Variants in SF3B2 observed in about 807,000 individuals in gnomAD.
SF3B2 encodes SAP 145.
A neutral mutation model predicts 116.3 loss-of-function variants in SF3B2; 22 were observed. That is an observed-to-expected ratio of 0.19 (90% CI 0.14 to 0.27). SF3B2 has a LOEUF of 0.27. SF3B2 is among the 10% of genes least tolerant of loss of function. The pLI is 1.00. For missense variants in SF3B2, 767 were observed against 1,151.4 expected (o/e 0.67, Z 4.83); for synonymous variants, 406 against 421.6 (o/e 0.96, Z 0.45).
At chr11:66,052,574 G>T (rs530972190) in intron 1 of SF3B2, 57 bp downstream of exon 1, 579 of 1,595,162 alleles carry the variant, frequency 3.6e-4, no homozygotes, top group Non-Finnish European at 4.6e-4. Flanking sequence ...GCGGAGCCTG[G>T]TTACCCGGGA....
chr11:66,058,971 G>A lies in SF3B2; in HGVS notation c.1108G>A (p.Glu370Lys), dbSNP rs1369652263. The change falls in exon 10 of 22, where the codon GAG (glutamate) becomes AAG (lysine). Residue 370 changes from glutamate (E) to lysine (K), a missense_variant. Around this residue, in one of 4 missense-constraint regions of SF3B2, gnomAD observed 455 missense variants for 537.5 expected, o/e 0.85. Coordinates refer to ENST00000322535, the MANE Select transcript of SF3B2 (RefSeq NM_006842.3). ...TTCCCCAGCAGCTGATGTTGAGATTGAGTATGTGACTGAAGAACCTGAAAT... is the reference window on the plus strand; with the variant it reads ...TTCCCCAGCAGCTGATGTTGAGATTAAGTATGTGACTGAAGAACCTGAAAT... ...SDSPAADVEI[E>K]YVTEEPEIYE... 7 of 1,614,038 alleles carry A rather than the reference G, an allele frequency of 4.3e-6. No homozygotes were observed. Among genetic ancestry groups the A allele is most frequent in the Admixed American group, 3.3e-5 (2 of 59,998 alleles).
chr11:66,058,809 T>C, intron 9 of SF3B2, 21 bp from the exon 10 acceptor site: 1 of 1,599,434 alleles, frequency 6.3e-7, no homozygotes, highest in Non-Finnish European at 8.5e-7. Flanking sequence ...CTGACCCAGC[T>C]GGTTTTCCTC....
Position 66,063,386 on chromosome 11 carries a change from GT to G in SF3B2, c.2086-13del. The G allele has an allele frequency of 6.2e-7, 1 of 1,602,746 alleles. No homozygotes were observed. Among genetic ancestry groups the G allele is most frequent in the South Asian group, 1.1e-5 (1 of 90,110 alleles). On this transcript the variant is annotated splice_polypyrimidine_tract_variant and intron_variant, in intron 17 of 21. Coordinates refer to ENST00000322535, the MANE Select transcript of SF3B2 (RefSeq NM_006842.3). The stretch of plus-strand genomic sequence containing the variant: ...TAGAAAACATTTGTTGAATGATAAA[GT>G]GATCTCTTTCAGACCAAGACTGAGG...
chr11:66,052,959 T>C (rs1856913113), intron 2 of SF3B2, 68 bp from the exon 3 acceptor site: 4 of 1,497,340 alleles, frequency 2.7e-6, no homozygotes, highest in Admixed American at 3.3e-5. Context: ...GTTGAATGAA[T>C]TGGGAGCGAA....
intron 5 of SF3B2, 118 bp from the exon 6 acceptor site, chr11:66,056,720 C>G: frequency 1.4e-6 from 1 of 720,386 alleles, no homozygotes; most frequent in Non-Finnish European, 2.5e-6. Context: ...ATGTCAGCAC[C>G]CAAGTGGTTC....
intron 2 of SF3B2, 56 bp from the exon 3 acceptor site, chr11:66,052,971 G>A: frequency 6.5e-7 from 1 of 1,542,642 alleles, no homozygotes; most frequent in East Asian, 2.2e-5. Context: ...GGGAGCGAAC[G>A]TCGTTTAGTG....
Position 66,055,106 on chromosome 11 carries a change from T to C in SF3B2, c.289T>C (p.Leu97=). 6.5e-7 allele frequency: 1 copy of C among 1,537,450 alleles called. No individual in the cohort carries two copies. Among genetic ancestry groups the C allele is most frequent in the Non-Finnish European group, 8.8e-7 (1 of 1,139,574 alleles). ...LPGIPMPPPP[L]GLPPLQPPPP... ...TGGAATTCCCATGCCACCACCACCT[T>C]TGGGACTCCCCCCTCTGCAGCCTCC... Residue 97 remains leucine (L), a synonymous_variant, in exon 4 of 22, where the codon TTG becomes CTG. Coordinates refer to ENST00000322535, the MANE Select transcript of SF3B2 (RefSeq NM_006842.3).
intron 7 of SF3B2, among the ~76,000 whole-genome samples, chr11:66,057,773 C>G (rs1857027512): frequency 6.6e-6 from 1 of 151,640 alleles, no homozygotes. Context: ...GTCAGGAGTT[C>G]TAGACCAGCC....
At chr11:66,053,574 A>G (rs1856931111) in intron 3 of SF3B2, 1 of 171,612 alleles carries the variant, frequency 5.8e-6, no homozygotes, top group Admixed American at 5.7e-5. Flanking sequence ...CCCTATAAAG[A>G]GGCTCAAGGA....
In SF3B2 at chr11:66,068,240, C is replaced by G. The variant is rs764963525; in HGVS notation, c.2523C>G (p.Thr841=). 2.5e-6 allele frequency: 4 copies of G among 1,614,098 alleles called. No homozygotes were observed. Among genetic ancestry groups the G allele is most frequent in the Non-Finnish European group, 3.4e-6 (4 of 1,180,032 alleles). Residue 841 remains threonine, a synonymous_variant, in exon 21 of 22, where the codon ACC becomes ACG. Coordinates refer to ENST00000322535, the MANE Select transcript of SF3B2 (RefSeq NM_006842.3). ...TGGAGCTGGATCCTATGGCCATGACCCAGAAGTATGAGGAGCATGTGCGGG... is the reference window on the plus strand; with the variant it reads ...TGGAGCTGGATCCTATGGCCATGACGCAGAAGTATGAGGAGCATGTGCGGG... ...EELELDPMAM[T]QKYEEHVREQ...
Position 66,068,338 on chromosome 11 carries a change from G to A in SF3B2, c.2616+5G>A. ...GAGCACGCTGCCAAACAGAAGGTAGGCGCTTCCAGGGGCGCTGGGCTGGGT... is the reference window on the plus strand; with the variant it reads ...GAGCACGCTGCCAAACAGAAGGTAGACGCTTCCAGGGGCGCTGGGCTGGGT... On this transcript the variant is annotated splice_donor_5th_base_variant and intron_variant, in intron 21 of 21. Coordinates refer to ENST00000322535, the MANE Select transcript of SF3B2 (RefSeq NM_006842.3). 6.2e-7 allele frequency: 1 copy of A among 1,604,084 alleles called. No individual in the cohort carries two copies. The highest frequency in any genetic ancestry group is 1.1e-5 in the South Asian group (1 of 89,694).
At position 66,061,974 on chromosome 11, in the gene SF3B2, T is replaced by G; in HGVS notation, c.1953T>G (p.Pro651=). The part of the protein sequence containing the change: ...PPPSYPNLKI[P]GLNSPIPESC... ...CATCGTATCCCAACCTGAAAATCCCTGGGCTGAACTCGCCCATCCCTGAGG... is the reference window on the plus strand; with the variant it reads ...CATCGTATCCCAACCTGAAAATCCCGGGGCTGAACTCGCCCATCCCTGAGG... The change falls in exon 16 of 22, where the codon CCT becomes CCG. Residue 651 remains proline, a synonymous_variant. Transcript: ENST00000322535. 1.2e-6 allele frequency: 2 copies of G among 1,613,362 alleles called. No homozygotes were observed. The highest frequency in any genetic ancestry group is 3.3e-4 in the Middle Eastern group (2 of 6,054).
rs1857029730 is a variant in SF3B2 at position 66,057,917 on chromosome 11, G to A, written c.778-137G>A. On this transcript the variant is annotated intron_variant, in intron 7 of 21. Coordinates refer to ENST00000322535, the MANE Select transcript of SF3B2 (RefSeq NM_006842.3). ...AACCTGGGAGGCGGAGGTTGTGGTG[G>A]GCCGAGATCGCGCCATTGCACTCCA... The A allele has an allele frequency of 6.3e-6, 4 of 631,078 alleles. No individual in the cohort carries two copies. The Admixed American group carries it at 1.2e-4, about 19-fold the overall frequency. 39.1% of individuals were successfully genotyped at this position (631,078 alleles called of 1,614,324 possible). A position where few individuals can be genotyped will look rare whatever the true frequency, so the allele number is the denominator to read the frequency against.
chr11:66,058,062 C>T lies in SF3B2; in HGVS notation c.786C>T (p.Asp262=), dbSNP rs746194347. Residue 262 remains aspartate (D), a synonymous_variant, in exon 8 of 22, where the codon GAC becomes GAT. Transcript: ENST00000322535. ...CTGGGTGTCTCTGGCAGATGGATGA[C>T]CCCTCTGTGGGCCCCAAGATCCCCC... is the stretch of plus-strand genomic sequence containing the variant. ...PPGDENREMD[D]PSVGPKIPQA... The T allele has an allele frequency of 2.0e-5, 32 of 1,608,222 alleles. No homozygotes were observed. Among genetic ancestry groups the T allele is most frequent in the Admixed American group, 8.5e-5 (5 of 58,876 alleles).
rs972721631 is a variant in SF3B2, at chr11:66,069,259, G to A, written c.*514G>A. 7.4e-6 allele frequency: 3 copies of A among 406,722 alleles called. No individual in the cohort carries two copies. Among genetic ancestry groups the A allele is most frequent in the Admixed American group, 5.0e-5 (2 of 40,346 alleles). 25.2% of individuals were successfully genotyped at this position (406,722 alleles called of 1,614,324 possible). A position where few individuals can be genotyped will look rare whatever the true frequency, so the allele number is the denominator to read the frequency against. On this transcript the variant is annotated 3_prime_UTR_variant, in exon 22 of 22. Coordinates refer to ENST00000322535, the MANE Select transcript of SF3B2 (RefSeq NM_006842.3). ...ACTGACCTTGTGACCAGAAGTTCAA[G>A]TCCTTACCTGTGCGACAACATAGCT...
intron 5 of SF3B2, among the ~76,000 whole-genome samples, chr11:66,056,114 A>G (rs1183498574): frequency 6.6e-6 from 1 of 152,208 alleles, no homozygotes; most frequent in Non-Finnish European, 1.5e-5. Context: ...AAAAGCAACA[A>G]GTATGAGCTG....
chr11:66,055,653 A>G, intron 5 of SF3B2, 68 bp downstream of exon 5: 1 of 1,421,732 alleles, frequency 7.0e-7, no homozygotes, highest in Non-Finnish European at 9.9e-7. Flanking sequence ...TAGTGCTTAG[A>G]GTGCACCATT....
Position 66,056,855 on chromosome 11 carries a change from G to A in SF3B2, c.567G>A (p.Glu189=). 3 of 1,613,954 alleles carry A rather than the reference G, an allele frequency of 1.9e-6. No individual in the cohort carries two copies. The highest frequency in any genetic ancestry group is 2.5e-6 in the Non-Finnish European group (3 of 1,179,862). The change falls in exon 6 of 22, where the codon GAG becomes GAA. Residue 189 remains glutamate, a synonymous_variant. Transcript: ENST00000322535. The part of the protein sequence containing the change: ...EQQKRAAVLL[E]QERQQEIAKM... ...TCCCGTAGGCAGCTGTGTTACTGGAGCAGGAACGACAGCAGGAGATTGCCA... is the reference window on the plus strand; with the variant it reads ...TCCCGTAGGCAGCTGTGTTACTGGAACAGGAACGACAGCAGGAGATTGCCA...
Position 66,060,014 on chromosome 11 carries a change from G to A in SF3B2, c.1629+5G>A. ...CGAGAGGCCCTGCAGGAGAAGGTGA[G>A]GGCCTGGCAGGGCTCAGACCTGCCC... On this transcript the variant is annotated splice_donor_5th_base_variant and intron_variant, in intron 13 of 21. Transcript: ENST00000322535. The A allele has an allele frequency of 6.2e-7, 1 of 1,612,608 alleles. No individual in the cohort carries two copies. Among genetic ancestry groups the A allele is most frequent in the African/African-American group, 1.3e-5 (1 of 75,038 alleles).
Sources: allele counts gnomAD v4.1 joint callset (sites outside exome capture counted in the v4.1 genomes callset), GRCh38; gene constraint gnomAD v4.1.1; regional missense constraint gnomAD v4.1.1; transcripts MANE v1.5; gene names NCBI Gene and HGNC (gene_info 2026-07-23, HGNC 2026-07-21).